Variants in CLASP1 observed in about 807,000 individuals in gnomAD.
The protein encoded by CLASP1 is CLIP-associating protein 1.
In CLASP1, 38 loss-of-function variants were observed where a neutral mutation model predicts 192.3. The ratio of observed to expected loss-of-function variants is 0.20; its 90% CI spans 0.15 to 0.26. The LOEUF is 0.26. CLASP1 is among the 10% of genes least tolerant of loss of function. The pLI is 1.00. For missense variants in CLASP1, 1,433 were observed against 1,932.5 expected (o/e 0.74, Z 4.85); for synonymous variants, 691 against 712.8 (o/e 0.97, Z 0.49).
chr2:121,609,611 C>T (rs946339916), intron 1 of CLASP1, among the ~76,000 whole-genome samples: 1 of 152,146 alleles, frequency 6.6e-6, no homozygotes, highest in African/African-American at 2.4e-5. Context: ...ACCTGCCTTC[C>T]ACCCCTGACC....
chr2:121,500,368 GAAAGAA>G (rs1430240479), intron 8 of CLASP1, among the ~76,000 whole-genome samples: 6 of 113,982 alleles, frequency 5.3e-5, no homozygotes, highest in African/African-American at 1.7e-4. Flanking sequence ...AAGAAAGAAA[GAAAGAA>G]AGAAAGAAAG....
At chr2:121,408,290 C>T (rs2077203635) in intron 24 of CLASP1, among the ~76,000 whole-genome samples, 1 of 152,148 alleles carries the variant, frequency 6.6e-6, no homozygotes, top group African/African-American at 2.4e-5. Flanking sequence ...AAGCAGCCCA[C>T]ATAAAAGGAT....
chr2:121,493,879 A>C (rs1396098048), intron 8 of CLASP1, among the ~76,000 whole-genome samples: 1 of 152,258 alleles, frequency 6.6e-6, no homozygotes, highest in Admixed American at 6.5e-5. Context: ...GAGAAATGCA[A>C]ATCAAAACTA....
intron 39 of CLASP1, among the ~76,000 whole-genome samples, chr2:121,346,647 G>A (rs1304044316): frequency 6.6e-6 from 1 of 152,260 alleles, no homozygotes; most frequent in Non-Finnish European, 1.5e-5. Context: ...CAAGGTGAGA[G>A]CCAGCTGTTG....
chr2:121,539,375 G>A (rs1464215733), intron 2 of CLASP1, among the ~76,000 whole-genome samples: 1 of 152,118 alleles, frequency 6.6e-6, no homozygotes, highest in Non-Finnish European at 1.5e-5. Flanking sequence ...TGACAAAGCA[G>A]GCATTACAGA....
chr2:121,554,341 T>C lies in CLASP1; in HGVS notation c.196-24016A>G, dbSNP rs991257852. On this transcript the variant is annotated intron_variant, in intron 2 of 39. Coordinates refer to ENST00000263710, the Ensembl canonical transcript of CLASP1. ...GATAAATCAGATAGGCTGGTTGAAG[T>C]GGCTCATACCTGTAATCCTAACACT... 2.6e-5 allele frequency among the ~76,000 whole-genome samples: 4 copies of C among 151,572 alleles called. No homozygotes were observed. The South Asian group carries it at 8.3e-4, about 31-fold the overall frequency.
At chr2:121,378,436 T>C (rs528066014) in intron 33 of CLASP1, among the ~76,000 whole-genome samples, 143 of 152,244 alleles carry the variant, frequency 9.4e-4, no homozygotes, top group Non-Finnish European at 1.6e-3. Flanking sequence ...CAGCAAAACA[T>C]GAAATGAAGC....
intron 23 of CLASP1, among the ~76,000 whole-genome samples, chr2:121,414,146 T>C (rs2078177383): frequency 6.6e-6 from 1 of 152,200 alleles, no homozygotes; most frequent in African/African-American, 2.4e-5. Flanking sequence ...TTCACCTGAC[T>C]GCCCAACAGA....
chr2:121,525,949 A>G, intron 5 of CLASP1, 29 bp from the exon 6 acceptor site: 1 of 1,549,510 alleles, frequency 6.5e-7, no homozygotes, highest in Non-Finnish European at 8.9e-7. Flanking sequence ...CTTTCTTGTT[A>G]GTGAGAACTG....
chr2:121,500,385 AAAGAAAGAAAGAAAAG>A (rs1464119110), intron 8 of CLASP1, among the ~76,000 whole-genome samples: 12 of 143,566 alleles, frequency 8.4e-5, no homozygotes, highest in African/African-American at 3.0e-4. Flanking sequence ...AGAAAGAAAG[AAAGAAAGAAAGAAAAG>A]AAAGAAAGAA....
At chr2:121,626,514 A>T (rs1407741563) in intron 1 of CLASP1, among the ~76,000 whole-genome samples, 1 of 152,216 alleles carries the variant, frequency 6.6e-6, no homozygotes, top group Non-Finnish European at 1.5e-5. Flanking sequence ...AGACAAGAAG[A>T]GATTCAGAAG....
At chr2:121,424,695 T>C (rs1048223834) in intron 22 of CLASP1, among the ~76,000 whole-genome samples, 1 of 152,238 alleles carries the variant, frequency 6.6e-6, no homozygotes, top group Admixed American at 6.5e-5. Flanking sequence ...ATGCATATTT[T>C]TTCACCATAA....
chr2:121,503,121 A>C (rs1363192189), intron 8 of CLASP1, 46 bp downstream of exon 8: 22 of 1,169,154 alleles, frequency 1.9e-5, no homozygotes, highest in Admixed American at 4.1e-5. Context: ...AATGATGCGA[A>C]TGTAAAACTG....
intron 2 of CLASP1, among the ~76,000 whole-genome samples, chr2:121,573,056 T>G (rs2060129902): frequency 6.6e-6 from 1 of 152,074 alleles, no homozygotes; most frequent in Non-Finnish European, 1.5e-5. Context: ...ACCTCCCGGG[T>G]TCAAGCAATT....
intron 14 of CLASP1, among the ~76,000 whole-genome samples, chr2:121,452,747 T>C (rs2149810015): frequency 6.6e-6 from 1 of 152,234 alleles, no homozygotes; most frequent in South Asian, 2.1e-4. Context: ...GCCGAGATCG[T>C]GCCACTGCAC....
At chr2:121,427,362 C>T in intron 21 of CLASP1, 42 bp downstream of exon 21, 1 of 1,608,016 alleles carries the variant, frequency 6.2e-7, no homozygotes, top group Non-Finnish European at 8.5e-7. Context: ...AGAATGCCAA[C>T]AACAACAACA....
chr2:121,614,153 T>C (rs566321222), intron 1 of CLASP1, among the ~76,000 whole-genome samples: 2 of 152,294 alleles, frequency 1.3e-5, no homozygotes, highest in East Asian at 3.9e-4. Flanking sequence ...GCATGTTACT[T>C]CTGCCACAAT....
In CLASP1 at chr2:121,553,409, A is replaced by G. The variant is rs147669820; in HGVS notation, c.196-23084T>C. On this transcript the variant is annotated intron_variant, in intron 2 of 39. Coordinates refer to ENST00000263710, the Ensembl canonical transcript of CLASP1. The stretch of plus-strand genomic sequence containing the variant: ...AAAATAGCAAGGTACTGCACTTTTT[A>G]AAAAGAAAAATGGGCCAGGCATGGT... Among the ~76,000 whole-genome samples, 1,001 of 152,324 alleles carry G rather than the reference A, an allele frequency of 6.6e-3. 15 individuals are homozygous for G. The highest frequency in any genetic ancestry group is 0.023 in the African/African-American group (959 of 41,574).
intron 8 of CLASP1, among the ~76,000 whole-genome samples, chr2:121,471,831 A>G (rs1479985165): frequency 6.6e-6 from 1 of 152,198 alleles, no homozygotes; most frequent in Non-Finnish European, 1.5e-5. Flanking sequence ...ATTCAGATGT[A>G]CAGTGCTCTT....
Sources: gnomAD v4.1 joint callset for allele counts (sites outside exome capture counted in the v4.1 genomes callset) on GRCh38, gnomAD v4.1.1 for gene constraint, MANE v1.5 for transcripts, NCBI Gene and HGNC (gene_info 2026-07-23, HGNC 2026-07-21) for gene names.